BAG3: variants seen among roughly 807,000 people sequenced by gnomAD.
The protein encoded by BAG3 is BAG family molecular chaperone regulator 3.
Under a neutral mutation model 40.5 loss-of-function variants are expected in BAG3, and 14 were observed. The ratio of observed to expected loss-of-function variants is 0.35; its 90% CI spans 0.23 to 0.54. The LOEUF is 0.54. Among genes scored for constraint, BAG3 ranks in the 20% least tolerant of loss-of-function variants. The pLI, the probability that BAG3 is intolerant of heterozygous loss-of-function variation, is 0.91. For missense variants in BAG3, 788 were observed against 758.6 expected (o/e 1.04, Z -0.46); for synonymous variants, 302 against 307.8 (o/e 0.98, Z 0.20).
intron 1 of BAG3, chr10:119,657,333 TA>T (rs1846927090): frequency 3.0e-6 from 1 of 334,494 alleles, no homozygotes; most frequent in Non-Finnish European, 5.9e-6. Flanking sequence ...CTGGAACCCA[TA>T]TTATTTTAAT....
At chr10:119,670,855 C>A (rs923432840) in intron 2 of BAG3, among the ~76,000 whole-genome samples, 1 of 152,162 alleles carries the variant, frequency 6.6e-6, no homozygotes, top group Non-Finnish European at 1.5e-5. Context: ...TAGTAGGATT[C>A]CTAAGCAGTA....
intron 3 of BAG3, among the ~76,000 whole-genome samples, chr10:119,675,803 TCCCCCC>T (rs1755986746): frequency 8.5e-5 from 2 of 23,614 alleles, no homozygotes; most frequent in African/African-American, 1.6e-4. Context: ...CCCTTCCCCT[TCCCCCC>T]TTCCCTGCTT....
chr10:119,675,384 C>T (rs1176652419), intron 3 of BAG3, among the ~76,000 whole-genome samples: 1 of 152,190 alleles, frequency 6.6e-6, no homozygotes, highest in Non-Finnish European at 1.5e-5. Flanking sequence ...ACAGGAAAAC[C>T]TGTGCAGCCA....
intron 1 of BAG3, among the ~76,000 whole-genome samples, chr10:119,666,073 C>T (rs909296647): frequency 6.6e-6 from 1 of 152,168 alleles, no homozygotes; most frequent in African/African-American, 2.4e-5. Flanking sequence ...CTTCCCCCCA[C>T]ATGCCTCTCA....
Position 119,670,047 on chromosome 10 carries a change from C to T in BAG3, c.377C>T (p.Ala126Val), listed in dbSNP as rs1847125430. 6.2e-6 allele frequency: 10 copies of T among 1,614,098 alleles called. No homozygotes were observed. Among genetic ancestry groups the T allele is most frequent in the East Asian group, 4.5e-5 (2 of 44,896 alleles). The change falls in exon 2 of 4, where the codon GCG becomes GTG. Residue 126 changes from alanine to valine, a missense_variant. Transcript: ENST00000369085. The part of the protein sequence containing the change: ...QPGMQRFRTE[A>V]AAAAPQRSQS... ...GGGATGCAGCGATTCCGAACTGAGG[C>T]GGCAGCAGCGGCTCCTCAGAGGTCC...
chr10:119,662,313 C>T (rs1171036205), intron 1 of BAG3, among the ~76,000 whole-genome samples: 1 of 150,824 alleles, frequency 6.6e-6, no homozygotes, highest in Admixed American at 6.6e-5. Context: ...AAGTGATCCG[C>T]CCGCCTCGGC....
At position 119,677,122 on chromosome 10, in the gene BAG3, C is replaced by T; in HGVS notation, c.1568C>T (p.Ala523Val). The T allele has an allele frequency of 6.2e-7, 1 of 1,614,152 alleles. No homozygotes were observed. The highest frequency in any genetic ancestry group is 8.5e-7 in the Non-Finnish European group (1 of 1,180,036). ...CTTGAAGCAGATCAGCCACTGCAGG[C>T]AATCATGGAGATGGGTGCCGTGGCA... is the stretch of plus-strand genomic sequence containing the variant. ...SNLEADQPLQ[A>V]IMEMGAVAAD... The change falls in exon 4 of 4, where the codon GCA becomes GTA. Residue 523 changes from alanine to valine, a missense_variant. Coordinates refer to ENST00000369085, the MANE Select transcript of BAG3 (RefSeq NM_004281.4).
rs761808716 is a variant in BAG3, at chr10:119,670,018, G to C, written c.348G>C (p.Gln116His). 2 of 1,614,216 alleles carry C rather than the reference G, an allele frequency of 1.2e-6. No homozygotes were observed. The highest frequency in any genetic ancestry group is 3.3e-5 in the Admixed American group (2 of 60,032). ...RQVHPFHVYP[Q>H]PGMQRFRTEA... ...TGCACCCTTTCCATGTCTATCCCCA[G>C]CCTGGGATGCAGCGATTCCGAACTG... Residue 116 changes from glutamine to histidine, a missense_variant, in exon 2 of 4, where the codon CAG becomes CAC. By Grantham distance (24) the Gln-to-His change is conservative (BLOSUM62 0). Coordinates refer to ENST00000369085, the MANE Select transcript of BAG3 (RefSeq NM_004281.4).
intron 1 of BAG3, among the ~76,000 whole-genome samples, chr10:119,667,072 G>A (rs1272085159): frequency 1.3e-5 from 2 of 152,094 alleles, no homozygotes; most frequent in South Asian, 2.1e-4. Context: ...TGCCTCCGGG[G>A]TTCAGGTGAT....
At chr10:119,656,663 G>A (rs1213723714) in intron 1 of BAG3, 16 of 152,248 alleles carry the variant, frequency 1.1e-4, no homozygotes, top group East Asian at 7.7e-4. Context: ...AAGTCGTCAC[G>A]TATTTCGATG....
chr10:119,665,303 A>ATT lies in BAG3; in HGVS notation c.181-4539_181-4538dup, dbSNP rs375034445. ...AGGTGCCTGCCACCATGCCCAGCTA[A>ATT]TTTTTTTTTTGTATTTTTAGTAGAG... On this transcript the variant is annotated intron_variant, in intron 1 of 3. Transcript: ENST00000369085. Among the ~76,000 whole-genome samples the ATT allele has an allele frequency of 4.3e-3, 630 of 147,462 alleles. 1 individual carries two copies. Among genetic ancestry groups the ATT allele is most frequent in the Non-Finnish European group, 7.4e-3 (491 of 66,662 alleles).
At chr10:119,655,360 C>T (rs534943632) in intron 1 of BAG3, among the ~76,000 whole-genome samples, 1 of 152,158 alleles carries the variant, frequency 6.6e-6, no homozygotes, top group Non-Finnish European at 1.5e-5. Context: ...TTCTTTTTGT[C>T]TTGCCCATCT....
At chr10:119,669,237 C>G (rs1847106682) in intron 1 of BAG3, among the ~76,000 whole-genome samples, 1 of 152,228 alleles carries the variant, frequency 6.6e-6, no homozygotes, top group Non-Finnish European at 1.5e-5. Context: ...TTAGGCGACA[C>G]AGTTAACCCT....
At chr10:119,673,901 A>C (rs1847185006) in intron 3 of BAG3, among the ~76,000 whole-genome samples, 1 of 152,242 alleles carries the variant, frequency 6.6e-6, no homozygotes, top group African/African-American at 2.4e-5. Flanking sequence ...CTGAATAGCA[A>C]ATATTTTCCT....
intron 1 of BAG3, among the ~76,000 whole-genome samples, chr10:119,665,141 TA>T (rs71474287): frequency 0.023 from 1,969 of 85,734 alleles, 66 homozygotes; most frequent in Non-Finnish European, 0.036. Flanking sequence ...TATATATATA[TA>T]TATTTTTTTT....
At chr10:119,666,437 C>T (rs1418481048) in intron 1 of BAG3, among the ~76,000 whole-genome samples, 2 of 152,210 alleles carry the variant, frequency 1.3e-5, no homozygotes, top group Admixed American at 1.3e-4. Flanking sequence ...AATATTGGCT[C>T]CAGCAAGCAG....
intron 1 of BAG3, among the ~76,000 whole-genome samples, chr10:119,666,577 C>A (rs941557224): frequency 2.1e-5 from 3 of 145,300 alleles, no homozygotes; most frequent in Non-Finnish European, 4.6e-5. Flanking sequence ...AGGTGCTCAG[C>A]GAGATGCACG....
At chr10:119,668,305 G>A (rs1847094673) in intron 1 of BAG3, among the ~76,000 whole-genome samples, 1 of 152,228 alleles carries the variant, frequency 6.6e-6, no homozygotes, top group African/African-American at 2.4e-5. Context: ...CAGAATTAAT[G>A]GTCTGTTCTC....
chr10:119,662,005 T>C (rs1846997048), intron 1 of BAG3, among the ~76,000 whole-genome samples: 2 of 152,094 alleles, frequency 1.3e-5, no homozygotes, highest in Admixed American at 1.3e-4. Flanking sequence ...GCAGAGAGCT[T>C]CGGTAGGGTG....
Sources: gnomAD v4.1 joint callset for allele counts (sites outside exome capture counted in the v4.1 genomes callset) on GRCh38, gnomAD v4.1.1 for gene constraint, MANE v1.5 for transcripts, NCBI Gene and HGNC (gene_info 2026-07-23, HGNC 2026-07-21) for gene names.